The following FNDC3B variants were observed in gnomAD, a reference collection of about 807,000 sequenced individuals.
FNDC3B encodes fibronectin type III domain containing 3B, also known as fibronectin type III domain-containing protein 3B.
In FNDC3B, 12 loss-of-function variants were observed where a neutral mutation model predicts 151.5. The ratio of observed to expected loss-of-function variants is 0.08; its 90% CI spans 0.05 to 0.13. The LOEUF is 0.13. Among genes scored for constraint, FNDC3B ranks in the 10% least tolerant of loss-of-function variants. FNDC3B has a pLI of 1.00. For synonymous variants in FNDC3B, 528 were observed against 549.0 expected (o/e 0.96, Z 0.54); for missense variants, 1,214 against 1,505.3 (o/e 0.81, Z 3.20).
At chr3:172,265,533 G>C (rs1000161137) in intron 6 of FNDC3B, among the ~76,000 whole-genome samples, 11 of 152,178 alleles carry the variant, frequency 7.2e-5, no homozygotes, top group Admixed American at 5.9e-4. Flanking sequence ...ATGGTGGCTA[G>C]AGTCCTATTG....
At chr3:172,053,332 A>G (rs971393815) in intron 1 of FNDC3B, among the ~76,000 whole-genome samples, 8 of 152,232 alleles carry the variant, frequency 5.3e-5, no homozygotes, top group Admixed American at 6.5e-5. Context: ...TTTTAACTGT[A>G]TCACACTGCT....
chr3:172,178,673 A>T (rs1290520419), intron 3 of FNDC3B, among the ~76,000 whole-genome samples: 1 of 152,198 alleles, frequency 6.6e-6, no homozygotes, highest in Non-Finnish European at 1.5e-5. Context: ...CTGGGACCCC[A>T]CATTCTTGAG....
chr3:172,191,379 G>A (rs1186252033), intron 3 of FNDC3B, among the ~76,000 whole-genome samples: 1 of 152,152 alleles, frequency 6.6e-6, no homozygotes, highest in African/African-American at 2.4e-5. Context: ...TGATAGTATT[G>A]TCACTGATAC....
intron 3 of FNDC3B, among the ~76,000 whole-genome samples, chr3:172,213,576 T>A (rs1161957888): frequency 6.6e-6 from 1 of 152,242 alleles, no homozygotes; most frequent in Non-Finnish European, 1.5e-5. Context: ...GCATATCATT[T>A]GTTTGTGCTC....
At chr3:172,189,084 G>A (rs1724362805) in intron 3 of FNDC3B, among the ~76,000 whole-genome samples, 1 of 152,044 alleles carries the variant, frequency 6.6e-6, no homozygotes, top group Non-Finnish European at 1.5e-5. Context: ...ATTTCTTTTA[G>A]CATTAATGCT....
intron 3 of FNDC3B, among the ~76,000 whole-genome samples, chr3:172,142,282 TA>T (rs1239584525): frequency 1.3e-5 from 2 of 152,196 alleles, no homozygotes; most frequent in Non-Finnish European, 2.9e-5. Flanking sequence ...GAACTGGAGT[TA>T]TTAGGATTTT....
intron 7 of FNDC3B, among the ~76,000 whole-genome samples, chr3:172,289,678 T>C (rs1050847542): frequency 6.6e-6 from 1 of 152,180 alleles, no homozygotes; most frequent in East Asian, 1.9e-4. Flanking sequence ...TAATAGATCT[T>C]TGCTGAATAA....
At chr3:172,389,707 T>C (rs1735906066) in intron 25 of FNDC3B, among the ~76,000 whole-genome samples, 1 of 151,456 alleles carries the variant, frequency 6.6e-6, no homozygotes, top group South Asian at 2.1e-4. Flanking sequence ...CTACTAAAAA[T>C]ACAAAAAAAA....
intron 6 of FNDC3B, among the ~76,000 whole-genome samples, chr3:172,252,646 G>T (rs1728145809): frequency 6.6e-6 from 1 of 151,992 alleles, no homozygotes. Context: ...GGAAGATTAG[G>T]TAAAATGAAA....
chr3:172,145,984 T>C (rs1576906857), intron 3 of FNDC3B, among the ~76,000 whole-genome samples: 1 of 152,204 alleles, frequency 6.6e-6, no homozygotes, highest in East Asian at 1.9e-4. Flanking sequence ...CCGTTAGTTT[T>C]GTACTTTTAG....
At position 172,133,461 on chromosome 3, in the gene FNDC3B, G is replaced by A. The variant is rs1302630230; in HGVS notation, c.112-10G>A. ...AGTATTAAACTGAAATTAATGTGTT[G>A]TTTTGGCAGGTTATTCTCGTTCAAG... On this transcript the variant is annotated splice_polypyrimidine_tract_variant and intron_variant, in intron 2 of 25. Transcript: ENST00000415807. 5 of 1,608,762 alleles carry A rather than the reference G, an allele frequency of 3.1e-6. No individual in the cohort carries two copies. The highest frequency in any genetic ancestry group is 4.3e-6 in the Non-Finnish European group (5 of 1,176,016).
chr3:172,227,123 A>G, intron 4 of FNDC3B, 176 bp downstream of exon 4: 2 of 537,756 alleles, frequency 3.7e-6, no homozygotes, highest in Non-Finnish European at 6.8e-6. Context: ...TTGACGTACC[A>G]GAGAACCAGA....
chr3:172,383,004 A>G (rs1269320604), intron 25 of FNDC3B, among the ~76,000 whole-genome samples: 3 of 152,224 alleles, frequency 2.0e-5, no homozygotes, highest in African/African-American at 7.2e-5. Context: ...GATTCTGTGA[A>G]GAAAGTCAGT....
Position 172,293,442 on chromosome 3 carries a change from C to T in FNDC3B, c.850-1921C>T, listed in dbSNP as rs116277738. Among the ~76,000 whole-genome samples, 1,347 of 152,302 alleles carry T rather than the reference C, an allele frequency of 8.8e-3. 23 individuals carry two copies. The highest frequency in any genetic ancestry group is 0.031 in the African/African-American group (1,295 of 41,544). ...CTTCTGATAGTCTGTGTCAGAAACT[C>T]AGACTATCTTATTTCCCTAGATTTT... is the stretch of plus-strand genomic sequence containing the variant. On this transcript the variant is annotated intron_variant, in intron 7 of 25. Transcript: ENST00000415807.
At chr3:172,058,637 A>G (rs531227276) in intron 1 of FNDC3B, among the ~76,000 whole-genome samples, 1 of 152,190 alleles carries the variant, frequency 6.6e-6, no homozygotes, top group African/African-American at 2.4e-5. Context: ...GAAATACATA[A>G]TGAGAAGAGG....
At chr3:172,225,645 A>G (rs1485830603) in intron 3 of FNDC3B, 3 of 157,758 alleles carry the variant, frequency 1.9e-5, no homozygotes, top group African/African-American at 4.8e-5. Context: ...TGGGAGTGGT[A>G]TGACTACTTC....
chr3:172,171,619 G>T (rs73167233), intron 3 of FNDC3B, among the ~76,000 whole-genome samples: 1,979 of 34,990 alleles, frequency 0.057, 50 homozygotes, highest in Middle Eastern at 0.11. Context: ...TTTTTTTTTT[G>T]GAAAGTGCAG....
At chr3:172,297,455 C>T (rs1412040608) in intron 8 of FNDC3B, among the ~76,000 whole-genome samples, 1 of 152,130 alleles carries the variant, frequency 6.6e-6, no homozygotes, top group Admixed American at 6.6e-5. Context: ...CTCTTTCTGT[C>T]CTCAATCCAC....
intron 11 of FNDC3B, among the ~76,000 whole-genome samples, chr3:172,318,677 A>G (rs903229360): frequency 1.3e-5 from 2 of 152,134 alleles, no homozygotes; most frequent in Non-Finnish European, 2.9e-5. Context: ...TAGGGTGGAC[A>G]GTGTGTTGGT....
Sources: allele counts gnomAD v4.1 joint callset (sites outside exome capture counted in the v4.1 genomes callset), GRCh38; gene constraint gnomAD v4.1.1; transcripts MANE v1.5; gene names NCBI Gene and HGNC (gene_info 2026-07-23, HGNC 2026-07-21).